The following SVEP1 variants were observed in gnomAD, a reference collection of about 807,000 sequenced individuals.
SVEP1 encodes the protein sushi, von Willebrand factor type A, EGF and pentraxin domain containing 1, also known as sushi, von Willebrand factor type A, EGF and pentraxin domain-containing protein 1.
A neutral mutation model predicts 367.3 loss-of-function variants in SVEP1; 164 were observed. The ratio of observed to expected loss-of-function variants is 0.45; its 90% CI spans 0.39 to 0.51. SVEP1 has a LOEUF of 0.51. SVEP1 is among the 20% of genes least tolerant of loss of function. SVEP1 has a pLI of 0.00. For synonymous variants in SVEP1, 1,666 were observed against 1,611.6 expected (o/e 1.03, Z -0.81); for missense variants, 4,117 against 4,425.3 (o/e 0.93, Z 1.98).
chr9:110,494,768 A>T (rs1829420807), intron 8 of SVEP1, among the ~76,000 whole-genome samples: 1 of 146,026 alleles, frequency 6.8e-6, no homozygotes, highest in Admixed American at 7.1e-5. Context: ...TTTTTTCCCC[A>T]ATTGTCTAAA....
chr9:110,404,669 T>TA (rs1827927774), intron 38 of SVEP1, 117 bp from the exon 39 acceptor site: 1 of 913,824 alleles, frequency 1.1e-6, no homozygotes, highest in Admixed American at 2.0e-5. Context: ...AACATATTGA[T>TA]TGTTGCACAA....
At chr9:110,508,465 G>A (rs535606716) in intron 5 of SVEP1, among the ~76,000 whole-genome samples, 5 of 152,256 alleles carry the variant, frequency 3.3e-5, no homozygotes, top group African/African-American at 4.8e-5. Context: ...TGTTTAGAAA[G>A]AAATGCAGAA....
In SVEP1 at chr9:110,434,527, T is replaced by G. The variant is rs201485818; in HGVS notation, c.4889-21A>C. 9.0e-5 allele frequency: 144 copies of G among 1,607,842 alleles called. No individual in the cohort carries two copies. In the Admixed American group the frequency reaches 1.6e-3, roughly 18 times the overall value. ...GCAATCTGAGGGCAAAGAACACAGG[T>G]GCAGAGCTTGTCAGCGGCATAGTGG... On this transcript the variant is annotated intron_variant, in intron 29 of 47. Transcript: ENST00000374469.
chr9:110,509,250 CA>C (rs1326676900), intron 5 of SVEP1, among the ~76,000 whole-genome samples: 1 of 152,148 alleles, frequency 6.6e-6, no homozygotes, highest in African/African-American at 2.4e-5. Context: ...AAATGTGTTT[CA>C]GATTTAGTGA....
intron 17 of SVEP1, among the ~76,000 whole-genome samples, chr9:110,468,286 AAAAAT>A (rs2118660083): frequency 6.6e-6 from 1 of 152,318 alleles, no homozygotes; most frequent in East Asian, 1.9e-4. Flanking sequence ...AAAAGAAAGA[AAAAAT>A]AAATAAAATT....
At chr9:110,561,951 G>C (rs1443691667) in intron 1 of SVEP1, among the ~76,000 whole-genome samples, 1 of 152,086 alleles carries the variant, frequency 6.6e-6, no homozygotes, top group African/African-American at 2.4e-5. Context: ...AATCACAGAA[G>C]AACCAGAGGG....
chr9:110,502,435 T>C (rs931652578), intron 6 of SVEP1, among the ~76,000 whole-genome samples: 16 of 152,126 alleles, frequency 1.1e-4, no homozygotes, highest in African/African-American at 3.6e-4. Context: ...TTCTTACTTA[T>C]ATTTTAAATT....
intron 40 of SVEP1, among the ~76,000 whole-genome samples, chr9:110,399,402 TG>T (rs1443344890): frequency 4.6e-5 from 7 of 151,974 alleles, no homozygotes; most frequent in African/African-American, 1.7e-4. Context: ...GACGAATTAA[TG>T]GGTGCACCAC....
At chr9:110,386,647 G>A (rs1337677423) in intron 42 of SVEP1, among the ~76,000 whole-genome samples, 3 of 152,192 alleles carry the variant, frequency 2.0e-5, no homozygotes, top group Non-Finnish European at 4.4e-5. Context: ...ATAGGCCCGA[G>A]GGAAACACAG....
At chr9:110,457,168 T>C (rs1374204775) in intron 21 of SVEP1, 88 bp downstream of exon 21, 2 of 1,063,700 alleles carry the variant, frequency 1.9e-6, no homozygotes, top group Non-Finnish European at 2.7e-6. Flanking sequence ...TCTTATCGGA[T>C]ATAGTTAATG....
At chr9:110,381,155 C>A (rs1827429176) in intron 43 of SVEP1, among the ~76,000 whole-genome samples, 1 of 152,012 alleles carries the variant, frequency 6.6e-6, no homozygotes, top group South Asian at 2.1e-4. Flanking sequence ...AGAAAAACAG[C>A]TCCTTGATTA....
chr9:110,393,395 G>T (rs752452205), intron 40 of SVEP1, among the ~76,000 whole-genome samples: 1 of 152,112 alleles, frequency 6.6e-6, no homozygotes, highest in African/African-American at 2.4e-5. Flanking sequence ...GAAAAGTGGC[G>T]ATGAGATGGC....
intron 40 of SVEP1, among the ~76,000 whole-genome samples, chr9:110,397,911 T>C (rs1827790739): frequency 6.6e-6 from 1 of 151,980 alleles, no homozygotes; most frequent in East Asian, 1.9e-4. Flanking sequence ...AAAATGGCCA[T>C]GCTGCCCAAG....
chr9:110,434,194 A>G, intron 30 of SVEP1, 142 bp downstream of exon 30: 1 of 1,020,716 alleles, frequency 9.8e-7, no homozygotes, highest in Non-Finnish European at 1.4e-6. Flanking sequence ...AGCACAGTTC[A>G]TTAAACAAAG....
intron 8 of SVEP1, 27 bp downstream of exon 8, chr9:110,496,788 G>T: frequency 1.2e-5 from 18 of 1,475,606 alleles, no homozygotes; most frequent in Non-Finnish European, 1.6e-5. Flanking sequence ...CATTTGAAAA[G>T]GATGCACATA....
intron 35 of SVEP1, among the ~76,000 whole-genome samples, chr9:110,428,674 T>G (rs1319513572): frequency 6.6e-6 from 1 of 152,162 alleles, no homozygotes; most frequent in Non-Finnish European, 1.5e-5. Context: ...TCTTGGGCAT[T>G]TACCATTAGC....
At chr9:110,518,842 T>C (rs2118788261) in intron 3 of SVEP1, among the ~76,000 whole-genome samples, 1 of 152,330 alleles carries the variant, frequency 6.6e-6, no homozygotes, top group Admixed American at 6.5e-5. Context: ...AATCCATTTG[T>C]GATGTTGCGA....
chr9:110,504,488 A>T (rs1290437148), intron 5 of SVEP1, among the ~76,000 whole-genome samples: 1 of 152,254 alleles, frequency 6.6e-6, no homozygotes, highest in Non-Finnish European at 1.5e-5. Context: ...GTATAAGTAT[A>T]TGATACTGTG....
rs760961824 is a variant in SVEP1, at chr9:110,389,535, G to A, written c.9875C>T (p.Ala3292Val). Reference sequence around the variant, plus strand: ...GTCATTCAACTCACCTTTGCATATTGCCACCCCTCCACTCCACTGTCTGTT... The same window carrying A: ...GTCATTCAACTCACCTTTGCATATTACCACCCCTCCACTCCACTGTCTGTT... Reference protein sequence around the residue: ...QENRQWSGGVAICKETRCETP... With the variant: ...QENRQWSGGVVICKETRCETP... The change falls in exon 41 of 48, where the codon GCA (alanine) becomes GTA (valine). Residue 3292 changes from alanine (A) to valine (V), a missense_variant. Transcript: ENST00000374469. The A allele has an allele frequency of 6.2e-7, 1 of 1,613,484 alleles. No homozygotes were observed. The highest frequency in any genetic ancestry group is 1.7e-5 in the Admixed American group (1 of 59,932).
Sources: allele counts gnomAD v4.1 joint callset (sites outside exome capture counted in the v4.1 genomes callset), GRCh38; gene constraint gnomAD v4.1.1; transcripts MANE v1.5; gene names NCBI Gene and HGNC (gene_info 2026-07-23, HGNC 2026-07-21).